SASH1: variants seen among roughly 807,000 people sequenced by gnomAD.
SASH1 encodes the protein SAM and SH3 domain-containing protein 1.
Under a neutral mutation model 125.2 loss-of-function variants are expected in SASH1, and 44 were observed. The observed-to-expected ratio is 0.35, with a 90% CI of 0.28 to 0.45. SASH1 has a LOEUF of 0.45. SASH1 is among the 20% of genes least tolerant of loss of function. The probability of loss-of-function intolerance (pLI) is 1.00; values close to 1 mark genes in which losing one functional copy is unlikely to be tolerated. For missense variants in SASH1, 1,426 were observed against 1,614.5 expected, an observed-to-expected ratio of 0.88 and a Z score of 2.00; for synonymous variants, 639 against 649.1, an observed-to-expected ratio of 0.98 and a Z score of 0.24.
At chr6:148,213,505 G>T in the SASH1 span, among the ~76,000 whole-genome samples, 1 of 148,352 alleles carries the variant, frequency 6.7e-6, no homozygotes, top group Admixed American at 6.8e-5. Context: ...CTAGCCAAAG[G>T]GTGTGTGTGT....
intron 1 of SASH1, among the ~76,000 whole-genome samples, chr6:148,382,617 T>C: frequency 6.6e-6 from 1 of 152,106 alleles, no homozygotes; most frequent in East Asian, 1.9e-4. Context: ...GCTATTTTTT[T>C]CCTTAGACAT....
chr6:148,365,748 G>A (rs191944628), intron 1 of SASH1, among the ~76,000 whole-genome samples: 42 of 152,096 alleles, frequency 2.8e-4, no homozygotes, highest in African/African-American at 9.4e-4. Flanking sequence ...GCTGAGGTGG[G>A]TGGATCGTTG....
At chr6:148,272,894 C>A (rs759156648) in intron 1 of SASH1, among the ~76,000 whole-genome samples, 11 of 152,118 alleles carry the variant, frequency 7.2e-5, no homozygotes, top group Non-Finnish European at 1.3e-4. Context: ...AACTTTGTTT[C>A]CGTCTTCGTC....
At chr6:148,382,214 G>A (rs112500132) in intron 1 of SASH1, among the ~76,000 whole-genome samples, 3 of 152,204 alleles carry the variant, frequency 2.0e-5, no homozygotes, top group African/African-American at 7.2e-5. Context: ...TACCTTGCTG[G>A]CATGAGACAG....
intron 7 of SASH1, among the ~76,000 whole-genome samples, chr6:148,480,227 AGCTGAGGCAGGAGAATC>A (rs1778556323): frequency 6.6e-6 from 1 of 151,828 alleles, no homozygotes. Flanking sequence ...CTACATGGGA[AGCTGAGGCAGGAGAATC>A]GCGGAGGCAG....
chr6:148,523,242 G>A (rs1414160975), intron 10 of SASH1, among the ~76,000 whole-genome samples: 1 of 152,236 alleles, frequency 6.6e-6, no homozygotes, highest in African/African-American at 2.4e-5. Context: ...GCATCTGGGT[G>A]CCATACCATG....
intron 1 of SASH1, among the ~76,000 whole-genome samples, chr6:148,330,833 G>T (rs1780975198): frequency 1.3e-5 from 2 of 152,180 alleles, no homozygotes; most frequent in South Asian, 4.1e-4. Context: ...TGATCTGCCA[G>T]CCTCGGCCTC....
chr6:148,354,893 G>A (rs1781869830), intron 1 of SASH1, among the ~76,000 whole-genome samples: 1 of 152,108 alleles, frequency 6.6e-6, no homozygotes, highest in Admixed American at 6.6e-5. Flanking sequence ...CCAAGTAGCT[G>A]GGATTAGGGG....
chr6:148,371,437 T>C (rs1340489196), intron 1 of SASH1, among the ~76,000 whole-genome samples: 1 of 151,974 alleles, frequency 6.6e-6, no homozygotes, highest in Non-Finnish European at 1.5e-5. Context: ...TTTTTTTTTT[T>C]TTGTATTTTT....
At chr6:148,390,033 C>A in intron 1 of SASH1, 101 bp from the exon 2 acceptor site, 1 of 1,358,126 alleles carries the variant, frequency 7.4e-7, no homozygotes, top group Non-Finnish European at 1.0e-6. Flanking sequence ...ACTTAAATAC[C>A]AACCTTTATT....
the SASH1 span, among the ~76,000 whole-genome samples, chr6:148,253,527 A>G: frequency 3.9e-5 from 6 of 152,236 alleles, no homozygotes; most frequent in African/African-American, 1.4e-4. Context: ...GAAAAGCAGA[A>G]GAAATGAAAG....
At chr6:148,332,974 G>A (rs577654184) in intron 1 of SASH1, among the ~76,000 whole-genome samples, 2 of 152,210 alleles carry the variant, frequency 1.3e-5, no homozygotes, top group East Asian at 3.9e-4. Context: ...GCAACAGAGC[G>A]AGACTCCTTC....
chr6:148,523,208 G>A (rs369999090), intron 10 of SASH1, among the ~76,000 whole-genome samples: 77 of 152,334 alleles, frequency 5.1e-4, no homozygotes, highest in Middle Eastern at 6.8e-3. Context: ...AAGCAGGGAC[G>A]TGCAAAAGCC....
rs1368754278 is a variant in SASH1 at position 148,290,258 on chromosome 6, CAAATATATGAGGAAAA to C, written n.74+17882_74+17897del. ...CTTTAGCCTTTACGTCTTTGATTCC[CAAATATATGAGGAAAA>C]TTTCTCTTCTCTCTCCCAGTTGAGA... is the stretch of plus-strand genomic sequence containing the variant. On this transcript the variant is annotated intron_variant and non_coding_transcript_variant, in intron 1 of 3. Transcript: ENST00000367469. Among the ~76,000 whole-genome samples, 6 of 151,734 alleles carry C rather than the reference CAAATATATGAGGAAAA, an allele frequency of 4.0e-5. No individual in the cohort carries two copies. The East Asian group carries it at 1.2e-3, about 30-fold the overall frequency.
At chr6:148,282,678 C>T (rs897323842) in intron 1 of SASH1, among the ~76,000 whole-genome samples, 1 of 152,146 alleles carries the variant, frequency 6.6e-6, no homozygotes, top group Non-Finnish European at 1.5e-5. Flanking sequence ...CCACGCCCAG[C>T]CTCAGGAGAT....
intron 1 of SASH1, among the ~76,000 whole-genome samples, chr6:148,319,452 T>C (rs911405703): frequency 6.6e-6 from 1 of 152,216 alleles, no homozygotes; most frequent in Non-Finnish European, 1.5e-5. Context: ...ACCCACATTT[T>C]AGTCCTAAAA....
chr6:148,322,309 G>A (rs1486575895), intron 1 of SASH1, among the ~76,000 whole-genome samples: 3 of 151,978 alleles, frequency 2.0e-5, no homozygotes, highest in East Asian at 1.9e-4. Context: ...CCGAGACTGC[G>A]CCACTGCACT....
At chr6:148,319,022 C>CTTTTTCTTTTTTTTTTTT (rs1780563236) in intron 1 of SASH1, among the ~76,000 whole-genome samples, 1 of 66,648 alleles carries the variant, frequency 1.5e-5, no homozygotes, top group Non-Finnish European at 2.7e-5. Flanking sequence ...CATTTATCTT[C>CTTTTTCTTTTTTTTTTTT]TTTTTTTTTT....
intron 4 of SASH1, among the ~76,000 whole-genome samples, chr6:148,451,087 G>A (rs149239733): frequency 1.5e-3 from 223 of 152,350 alleles, no homozygotes; most frequent in Middle Eastern, 3.4e-3. Context: ...AATCCCAGAA[G>A]AACCAACATA....
Sources: gnomAD v4.1 joint callset for allele counts (sites outside exome capture counted in the v4.1 genomes callset) on GRCh38, gnomAD v4.1.1 for gene constraint, MANE v1.5 for transcripts, NCBI Gene and HGNC (gene_info 2026-07-23, HGNC 2026-07-21) for gene names.